The following CAMK1D variants were observed in gnomAD, a reference collection of about 807,000 sequenced individuals.
CAMK1D encodes calcium/calmodulin dependent protein kinase ID, also known as calcium/calmodulin-dependent protein kinase type 1D.
In CAMK1D, 9 loss-of-function variants were observed where a neutral mutation model predicts 47.7. The ratio of observed to expected loss-of-function variants is 0.19; its 90% CI spans 0.11 to 0.33. The LOEUF is 0.33. Ranked by LOEUF, CAMK1D falls within the 10% of genes least tolerant of loss-of-function variation. CAMK1D has a pLI of 1.00. For synonymous variants in CAMK1D, 184 were observed against 184.9 expected (o/e 0.99, Z 0.04); for missense variants, 291 against 488.7 (o/e 0.60, Z 3.81).
chr10:12,554,633 C>G (rs1325236315), intron 2 of CAMK1D, among the ~76,000 whole-genome samples: 3 of 152,092 alleles, frequency 2.0e-5, no homozygotes, highest in Non-Finnish European at 4.4e-5. Flanking sequence ...AACTCTTGAG[C>G]TCAAGTGATC....
At chr10:12,420,322 A>AGT (rs1333222162) in intron 1 of CAMK1D, among the ~76,000 whole-genome samples, 1 of 152,240 alleles carries the variant, frequency 6.6e-6, no homozygotes, top group Non-Finnish European at 1.5e-5. Context: ...CTGATGTAGT[A>AGT]GTAGTAGTCC....
At chr10:12,468,614 G>A (rs1228825772) in intron 1 of CAMK1D, among the ~76,000 whole-genome samples, 7 of 152,174 alleles carry the variant, frequency 4.6e-5, no homozygotes, top group Admixed American at 4.6e-4. Context: ...GCCCCACACA[G>A]GAGCACTGCC....
intron 2 of CAMK1D, among the ~76,000 whole-genome samples, chr10:12,624,106 A>G (rs1327896802): frequency 6.6e-6 from 1 of 152,188 alleles, no homozygotes; most frequent in Non-Finnish European, 1.5e-5. Flanking sequence ...AAAAAACTGC[A>G]ATTAAGGAAA....
At chr10:12,401,597 G>A (rs1839226444) in intron 1 of CAMK1D, among the ~76,000 whole-genome samples, 1 of 151,442 alleles carries the variant, frequency 6.6e-6, no homozygotes, top group African/African-American at 2.4e-5. Flanking sequence ...CAGATAGGGA[G>A]GCTCCCACAA....
At chr10:12,553,076 G>A in intron 1 of CAMK1D, 149 bp from the exon 2 acceptor site, 3 of 1,451,464 alleles carry the variant, frequency 2.1e-6, no homozygotes, top group African/African-American at 2.8e-5. Flanking sequence ...AAGATGTTTA[G>A]CAAGGAGCCA....
At chr10:12,642,037 C>A (rs1839680240) in intron 2 of CAMK1D, among the ~76,000 whole-genome samples, 1 of 142,418 alleles carries the variant, frequency 7.0e-6, no homozygotes, top group South Asian at 2.3e-4. Flanking sequence ...GAGTGAGACC[C>A]TTTCTCAGAA....
intron 2 of CAMK1D, among the ~76,000 whole-genome samples, chr10:12,608,824 G>C (rs2132406581): frequency 6.6e-6 from 1 of 152,330 alleles, no homozygotes; most frequent in South Asian, 2.1e-4. Context: ...AAGTATGTTG[G>C]CCCTTCGGCA....
At chr10:12,422,952 C>T (rs982912412) in intron 1 of CAMK1D, among the ~76,000 whole-genome samples, 2 of 151,610 alleles carry the variant, frequency 1.3e-5, no homozygotes, top group African/African-American at 4.8e-5. Context: ...GAGTTACAGG[C>T]GTGAGCCACC....
intron 2 of CAMK1D, among the ~76,000 whole-genome samples, chr10:12,602,686 C>T (rs1021068939): frequency 4.6e-5 from 7 of 152,026 alleles, no homozygotes; most frequent in African/African-American, 1.7e-4. Flanking sequence ...GTTCTTTGAG[C>T]ACTTAGGAAA....
At chr10:12,652,454 G>T (rs1840003234) in intron 2 of CAMK1D, among the ~76,000 whole-genome samples, 1 of 151,126 alleles carries the variant, frequency 6.6e-6, no homozygotes, top group East Asian at 1.9e-4. Flanking sequence ...CGGGCGTGGT[G>T]GCGGGCGCCT....
chr10:12,779,578 C>T (rs1056162243), intron 5 of CAMK1D, among the ~76,000 whole-genome samples: 3 of 152,144 alleles, frequency 2.0e-5, no homozygotes, highest in African/African-American at 4.8e-5. Context: ...TACAGGTGCA[C>T]ACCACCACAC....
chr10:12,393,967 C>A (rs879134979), intron 1 of CAMK1D, among the ~76,000 whole-genome samples: 1 of 152,204 alleles, frequency 6.6e-6, no homozygotes, highest in East Asian at 1.9e-4. Flanking sequence ...GTATTGCAGA[C>A]CCCCCAGGTT....
At position 12,819,978 on chromosome 10, in the gene CAMK1D, C is replaced by T. The variant is rs545449064; in HGVS notation, c.833+3650C>T. ...GGATTATTCCCAAGTTTCCAACTTA[C>T]GGGACTCGGGGGAAGATTGTGCTAG... On this transcript the variant is annotated intron_variant, in intron 8 of 10. Coordinates refer to ENST00000619168, the MANE Select transcript of CAMK1D (RefSeq NM_153498.4). Among the ~76,000 whole-genome samples the T allele has an allele frequency of 6.4e-4, 98 of 152,198 alleles. 1 individual carries two copies. The highest frequency in any genetic ancestry group is 2.2e-3 in the African/African-American group (91 of 41,528).
At chr10:12,502,703 G>A (rs1296236088) in intron 1 of CAMK1D, among the ~76,000 whole-genome samples, 1 of 152,238 alleles carries the variant, frequency 6.6e-6, no homozygotes, top group East Asian at 1.9e-4. Flanking sequence ...CAGGTATAAG[G>A]CTGGTCAGCC....
chr10:12,624,631 C>A (rs1410063466), intron 2 of CAMK1D, among the ~76,000 whole-genome samples: 1 of 152,180 alleles, frequency 6.6e-6, no homozygotes, highest in Non-Finnish European at 1.5e-5. Flanking sequence ...TTCTTTCATT[C>A]ATCTGCCCTC....
chr10:12,594,859 C>T (rs937616811), intron 2 of CAMK1D, among the ~76,000 whole-genome samples: 1 of 152,120 alleles, frequency 6.6e-6, no homozygotes, highest in Non-Finnish European at 1.5e-5. Flanking sequence ...GGTGGGGCAG[C>T]CATATTGCAG....
chr10:12,612,024 G>A (rs1348318113), intron 2 of CAMK1D, among the ~76,000 whole-genome samples: 1 of 152,230 alleles, frequency 6.6e-6, no homozygotes, highest in Non-Finnish European at 1.5e-5. Flanking sequence ...GCTGGACACG[G>A]TAGATAAACT....
intron 1 of CAMK1D, among the ~76,000 whole-genome samples, chr10:12,411,092 C>T (rs372932263): frequency 2.6e-5 from 4 of 152,180 alleles, no homozygotes; most frequent in African/African-American, 9.7e-5. Context: ...TTCGAGCCCA[C>T]CCCATCGGCT....
chr10:12,390,339 G>A (rs1359347487), intron 1 of CAMK1D, among the ~76,000 whole-genome samples: 1 of 152,098 alleles, frequency 6.6e-6, no homozygotes, highest in African/African-American at 2.4e-5. Context: ...CCTAATTGCT[G>A]GGATTATAGG....
Sources: allele counts gnomAD v4.1 joint callset (sites outside exome capture counted in the v4.1 genomes callset), GRCh38; gene constraint gnomAD v4.1.1; transcripts MANE v1.5; gene names NCBI Gene and HGNC (gene_info 2026-07-23, HGNC 2026-07-21).